The following HID1 variants were observed in gnomAD, a reference collection of about 807,000 sequenced individuals.
The protein encoded by HID1 is HID1 domain containing.
A neutral mutation model predicts 89.7 loss-of-function variants in HID1; 42 were observed. That is an observed-to-expected ratio of 0.47 (90% CI 0.37 to 0.61). The LOEUF (loss-of-function observed/expected upper bound fraction) is 0.61, where lower values mean the gene tolerates loss of function less well. Ranked by LOEUF, HID1 falls within the 20% of genes least tolerant of loss-of-function variation. HID1 has a pLI of 0.00. For synonymous variants in HID1, 442 were observed against 433.8 expected (o/e 1.02, Z -0.24); for missense variants, 854 against 1,039.3 (o/e 0.82, Z 2.45).
chr17:74,955,694 G>C (rs1217123196), intron 13 of HID1, 98 bp downstream of exon 13: 1 of 1,129,154 alleles, frequency 8.9e-7, no homozygotes, highest in African/African-American at 1.6e-5. Context: ...AAGCAGGCCA[G>C]CACCTCCCAG....
chr17:74,952,861 G>C (rs1338972754), intron 16 of HID1, 145 bp downstream of exon 16: 1 of 630,990 alleles, frequency 1.6e-6, no homozygotes, highest in Non-Finnish European at 2.7e-6. Flanking sequence ...CCAGAGTCAG[G>C]CTTCTATGCT....
At position 74,968,492 on chromosome 17, in the gene HID1, G is replaced by A. The variant is rs558621597; in HGVS notation, c.67-3860C>T. On this transcript the variant is annotated intron_variant, in intron 1 of 18. Coordinates refer to ENST00000425042, the MANE Select transcript of HID1 (RefSeq NM_030630.3). ...AAACACCCCCACCCCACCCCAGGGA[G>A]CTGCAGGGTAACATGTGGCCATGAC... Among the ~76,000 whole-genome samples the A allele has an allele frequency of 4.6e-5, 7 of 152,348 alleles. No individual in the cohort carries two copies. The East Asian group carries it at 1.2e-3, about 25-fold the overall frequency.
intron 1 of HID1, 66 bp from the exon 2 acceptor site, chr17:74,964,698 T>G: frequency 6.6e-7 from 1 of 1,524,612 alleles, no homozygotes; most frequent in Non-Finnish European, 8.9e-7. Context: ...TTTGCCCAAC[T>G]TGTGGCCAGG....
At chr17:74,960,838 G>A (rs556489110) in intron 6 of HID1, among the ~76,000 whole-genome samples, 94 of 152,308 alleles carry the variant, frequency 6.2e-4, no homozygotes, top group African/African-American at 2.1e-3. Context: ...GGCGGAGGTC[G>A]ACCGCCACCT....
intron 12 of HID1, among the ~76,000 whole-genome samples, chr17:74,957,305 C>G (rs1411555809): frequency 1.5e-5 from 2 of 137,544 alleles, no homozygotes; most frequent in African/African-American, 5.4e-5. Flanking sequence ...AAAACTCTGT[C>G]TCTACTAAAA....
Position 74,962,884 on chromosome 17 carries a change from C to T in HID1, c.504+81G>A. 1 of 1,019,752 alleles carries T rather than the reference C, an allele frequency of 9.8e-7. No homozygotes were observed. The highest frequency in any genetic ancestry group is 1.5e-6 in the Non-Finnish European group (1 of 670,764). 63.2% of individuals were successfully genotyped at this position (1,019,752 alleles called of 1,614,324 possible). ...CCCCCGGCCCCCAGTGCAATCCGCC[C>T]AAGGGAACTTCAACTGGCCCGGCCC... is the stretch of plus-strand genomic sequence containing the variant. On this transcript the variant is annotated intron_variant, in intron 4 of 18. Transcript: ENST00000425042. This position sits in a 1 kb window ranked among gnomAD's most constrained non-coding sequence, Gnocchi z 4.3.
At chr17:74,954,458 G>A in intron 13 of HID1, 93 bp from the exon 14 acceptor site, 1 of 1,537,246 alleles carries the variant, frequency 6.5e-7, no homozygotes, top group Non-Finnish European at 8.7e-7. Context: ...GAGTTTGGAG[G>A]ACAGGAGGGT....
chr17:74,963,767 G>A lies in HID1; in HGVS notation c.360C>T (p.Ser120=). 6.2e-7 allele frequency: 1 copy of A among 1,613,024 alleles called. No homozygotes were observed. Among genetic ancestry groups the A allele is most frequent in the Non-Finnish European group, 8.5e-7 (1 of 1,179,546 alleles). ...EDPDWRGFFW[S]TVPGAGRGGQ... Reference sequence around the variant, plus strand: ...CTCCTCGCCCTGCCCCGGGCACTGTGGACCAGAAGAAGCCCCTCCAGTCGG... The same window carrying A: ...CTCCTCGCCCTGCCCCGGGCACTGTAGACCAGAAGAAGCCCCTCCAGTCGG... Residue 120 remains serine, a synonymous_variant, in exon 3 of 19, where the codon TCC becomes TCT. Transcript: ENST00000425042.
In HID1 at chr17:74,962,176, C is replaced by A; in HGVS notation, c.611+58G>T. The A allele has an allele frequency of 7.0e-7, 1 of 1,436,598 alleles. No homozygotes were observed. 89.0% of individuals were successfully genotyped at this position (1,436,598 alleles called of 1,614,324 possible). On this transcript the variant is annotated intron_variant, in intron 5 of 18. Coordinates refer to ENST00000425042, the MANE Select transcript of HID1 (RefSeq NM_030630.3). The surrounding 1 kb of genome is among the most constrained non-coding windows in gnomAD (Gnocchi z 4.3). ...GACCCCATGGGCTTTCTGAGCTGTG[C>A]GGGGGCCCGGCCCGGGGTCCAGCTG...
At chr17:74,971,379 A>G (rs191281543) in intron 1 of HID1, among the ~76,000 whole-genome samples, 1 of 152,300 alleles carries the variant, frequency 6.6e-6, no homozygotes, top group Non-Finnish European at 1.5e-5. Flanking sequence ...GGGAATGGAG[A>G]GAAGTGCGGT....
At chr17:74,961,768 G>T (rs1309530593) in intron 6 of HID1, 105 bp downstream of exon 6, 4 of 577,226 alleles carry the variant, frequency 6.9e-6, no homozygotes, top group Non-Finnish European at 1.2e-5. Flanking sequence ...ACCACCAGGG[G>T]GCAGCACCTC....
chr17:74,962,129 G>A lies in HID1; in HGVS notation c.611+105C>T. 8.6e-7 allele frequency: 1 copy of A among 1,158,076 alleles called. No homozygotes were observed. Among genetic ancestry groups the A allele is most frequent in the Non-Finnish European group, 1.2e-6 (1 of 808,848 alleles). The allele number at this position is 1,158,076 out of a possible 1,614,324, so 71.7% of individuals were successfully genotyped here. On this transcript the variant is annotated intron_variant, in intron 5 of 18. Transcript: ENST00000425042. This position sits in a 1 kb window ranked among gnomAD's most constrained non-coding sequence, Gnocchi z 4.3. ...CCTGTAAGGTCAAGGTCGGGTCATA[G>A]GTGAGGACGGTCTTCTGGGAAGACC...
chr17:74,952,003 C>A lies in HID1; in HGVS notation c.2205G>T (p.Leu735=). ...RFLQHGTLVG[L]LPVPHPILIR... ...TGAGGATGGGGTGGGGCACGGGCAG[C>A]AGCCCCACCAGGGTGCCATGCTGCA... The change falls in exon 18 of 19, where the codon CTG becomes CTT. Residue 735 remains leucine, a synonymous_variant. Transcript: ENST00000425042. The A allele has an allele frequency of 6.4e-7, 1 of 1,560,080 alleles. No individual in the cohort carries two copies. The highest frequency in any genetic ancestry group is 8.7e-7 in the Non-Finnish European group (1 of 1,151,738).
Position 74,962,415 on chromosome 17 carries a change from C to T in HID1, c.505-75G>A. The T allele has an allele frequency of 3.1e-6, 3 of 961,574 alleles. No homozygotes were observed. Among genetic ancestry groups the T allele is most frequent in the Non-Finnish European group, 4.8e-6 (3 of 627,642 alleles). The allele number at this position is 961,574 out of a possible 1,614,324, so 59.6% of individuals were successfully genotyped here. On this transcript the variant is annotated intron_variant, in intron 4 of 18. Transcript: ENST00000425042. The surrounding 1 kb of genome is among the most constrained non-coding windows in gnomAD (Gnocchi z 4.3). ...GCAGCCTGGGTCAGAACCTGGCCAC[C>T]TCGAGCCTCACACAGTCCCAGGGGC...
intron 1 of HID1, among the ~76,000 whole-genome samples, chr17:74,965,110 C>T (rs1421975087): frequency 1.3e-5 from 2 of 152,266 alleles, no homozygotes; most frequent in African/African-American, 4.8e-5. Context: ...TGCCCTCTCA[C>T]AGCACACCCA....
intron 12 of HID1, among the ~76,000 whole-genome samples, chr17:74,956,783 C>A (rs1598620085): frequency 6.6e-6 from 1 of 152,370 alleles, no homozygotes; most frequent in African/African-American, 2.4e-5. Flanking sequence ...TGGCCACCTG[C>A]CTTGCTAGGT....
At chr17:74,970,142 C>T (rs1283275042) in intron 1 of HID1, among the ~76,000 whole-genome samples, 1 of 151,868 alleles carries the variant, frequency 6.6e-6, no homozygotes, top group East Asian at 1.9e-4. Context: ...GTCTCGAACT[C>T]CTGACCTCAG....
rs2039316672 is a variant in HID1 at position 74,952,357 on chromosome 17, G to C, written c.2056C>G (p.Leu686Val). 1.4e-5 allele frequency: 23 copies of C among 1,613,484 alleles called. No individual in the cohort carries two copies. The highest frequency in any genetic ancestry group is 1.9e-5 in the Non-Finnish European group (23 of 1,179,662). The change falls in exon 17 of 19, where the codon CTC (leucine) becomes GTC (valine). Residue 686 changes from leucine to valine, a missense_variant. Transcript: ENST00000425042. ...GQWSPTPEWV[L>V]SWKSKLPLQT... ...AGCGGCAGCTTCGACTTCCAGGAGA[G>C]GACCTGGCGAGGGACGGGGTTCCTG... is the stretch of plus-strand genomic sequence containing the variant.
In HID1 at chr17:74,964,473, C is replaced by A; in HGVS notation, c.216+10G>T. ...TGGAAGAGTAGCAGGAGGGACTGGG[C>A]AGCCCTCACCTTGTAGCACAGGGTG... On this transcript the variant is annotated intron_variant, in intron 2 of 18. Transcript: ENST00000425042. The A allele has an allele frequency of 6.2e-7, 1 of 1,606,550 alleles. No individual in the cohort carries two copies. The highest frequency in any genetic ancestry group is 8.5e-7 in the Non-Finnish European group (1 of 1,176,910).
Sources: allele counts gnomAD v4.1 joint callset (sites outside exome capture counted in the v4.1 genomes callset), GRCh38; gene constraint gnomAD v4.1.1; non-coding constraint Gnocchi (gnomAD v3.1); transcripts MANE v1.5; gene names NCBI Gene and HGNC (gene_info 2026-07-23, HGNC 2026-07-21).